Variants in SORCS1 observed in about 807,000 individuals in gnomAD.
The protein encoded by SORCS1 is sortilin related VPS10 domain containing receptor 1, also known as VPS10 domain-containing receptor SorCS1.
In SORCS1, 60 loss-of-function variants were observed where a neutral mutation model predicts 146.1. That is an observed-to-expected ratio of 0.41 (90% CI 0.33 to 0.51). SORCS1 has a LOEUF of 0.51. Ranked by LOEUF, SORCS1 falls within the 20% of genes least tolerant of loss-of-function variation. SORCS1 has a pLI of 0.21. For missense variants in SORCS1, 1,352 were observed against 1,487.6 expected, an observed-to-expected ratio of 0.91 and a Z score of 1.50; for synonymous variants, 637 against 584.0, an observed-to-expected ratio of 1.09 and a Z score of -1.31.
intron 21 of SORCS1, among the ~76,000 whole-genome samples, chr10:106,613,918 C>T (rs995839625): frequency 2.6e-5 from 4 of 152,122 alleles, no homozygotes; most frequent in Non-Finnish European, 5.9e-5. Context: ...GCAAACTCCC[C>T]TCTCATCATT....
chr10:106,661,916 G>C (rs1850759020), intron 17 of SORCS1, among the ~76,000 whole-genome samples: 1 of 152,208 alleles, frequency 6.6e-6, no homozygotes. Context: ...GAGGACAGAG[G>C]CTGAATAGAG....
At chr10:106,823,208 G>A (rs982551942) in intron 3 of SORCS1, among the ~76,000 whole-genome samples, 2 of 152,162 alleles carry the variant, frequency 1.3e-5, no homozygotes, top group African/African-American at 4.8e-5. Context: ...TCCGCCAAGG[G>A]AATGTCATGC....
intron 2 of SORCS1, among the ~76,000 whole-genome samples, chr10:106,936,821 A>G (rs1953746360): frequency 6.6e-6 from 1 of 152,226 alleles, no homozygotes; most frequent in African/African-American, 2.4e-5. Flanking sequence ...GGAAAACAAA[A>G]TAGTTGACTT....
At position 106,798,154 on chromosome 10, in the gene SORCS1, T is replaced by C. The variant is rs182895913; in HGVS notation, c.727-21462A>G. ...GATCTGATGGCTTTATAAGGCAGAGTTTCCCTTCATAAGCTCTGTTCTCTT... is the reference window on the plus strand; with the variant it reads ...GATCTGATGGCTTTATAAGGCAGAGCTTCCCTTCATAAGCTCTGTTCTCTT... On this transcript the variant is annotated intron_variant, in intron 3 of 25. Coordinates refer to ENST00000263054, the MANE Select transcript of SORCS1 (RefSeq NM_052918.5). Among the ~76,000 whole-genome samples, 579 of 151,340 alleles carry C rather than the reference T, an allele frequency of 3.8e-3. 8 individuals are homozygous for C. The highest frequency in any genetic ancestry group is 0.014 in the African/African-American group (565 of 41,228).
chr10:106,711,260 G>T (rs193295519), intron 6 of SORCS1, among the ~76,000 whole-genome samples: 2 of 152,244 alleles, frequency 1.3e-5, no homozygotes, highest in Admixed American at 6.5e-5. Context: ...TGTTTTTGAT[G>T]CTTAATGAGT....
At chr10:106,788,631 C>T (rs878865479) in intron 3 of SORCS1, among the ~76,000 whole-genome samples, 1 of 152,230 alleles carries the variant, frequency 6.6e-6, no homozygotes, top group African/African-American at 2.4e-5. Flanking sequence ...CTATGTCTCA[C>T]ATTGAGGTCA....
chr10:106,878,620 G>GTGTATGTATATATATA (rs904386657), intron 2 of SORCS1, among the ~76,000 whole-genome samples: 2 of 84,948 alleles, frequency 2.4e-5, no homozygotes, highest in African/African-American at 9.2e-5. Flanking sequence ...AAACTACCTA[G>GTGTATGTATATATATA]TATATATATA....
chr10:107,057,670 T>C (rs897878435), intron 1 of SORCS1, among the ~76,000 whole-genome samples: 6 of 152,218 alleles, frequency 3.9e-5, no homozygotes, highest in South Asian at 2.1e-4. Context: ...CAATGTCTAA[T>C]AGAACTGCAT....
chr10:106,615,852 A>C lies in SORCS1; in HGVS notation c.2920+2297T>G, dbSNP rs546836596. Reference sequence around the variant, plus strand: ...GAAATTGTAGAAAGAGGAAGAAGCAAGCATAGCAAGGCATGGGAGGTGCTT... The same window carrying C: ...GAAATTGTAGAAAGAGGAAGAAGCACGCATAGCAAGGCATGGGAGGTGCTT... On this transcript the variant is annotated intron_variant, in intron 21 of 25. Transcript: ENST00000263054. Among the ~76,000 whole-genome samples the C allele has an allele frequency of 1.3e-3, 197 of 152,290 alleles. 1 individual carries two copies. Among genetic ancestry groups the C allele is most frequent in the Non-Finnish European group, 2.4e-3 (166 of 68,022 alleles).
At chr10:107,116,418 T>C (rs928841012) in intron 1 of SORCS1, among the ~76,000 whole-genome samples, 1 of 152,068 alleles carries the variant, frequency 6.6e-6, no homozygotes, top group East Asian at 1.9e-4. Flanking sequence ...CACACATACA[T>C]ATATAATGTA....
chr10:106,686,783 A>G (rs1271250720), intron 10 of SORCS1, among the ~76,000 whole-genome samples: 6 of 152,192 alleles, frequency 3.9e-5, no homozygotes, highest in Non-Finnish European at 7.3e-5. Context: ...AGGTCAAGCT[A>G]TGGCTGCTGG....
At chr10:107,075,668 T>C (rs1018174700) in intron 1 of SORCS1, among the ~76,000 whole-genome samples, 4 of 152,144 alleles carry the variant, frequency 2.6e-5, no homozygotes, top group African/African-American at 9.6e-5. Context: ...AGAAATTGTC[T>C]AAATTTGTAC....
At chr10:106,768,072 T>C (rs1859715735) in intron 4 of SORCS1, among the ~76,000 whole-genome samples, 1 of 152,224 alleles carries the variant, frequency 6.6e-6, no homozygotes, top group African/African-American at 2.4e-5. Flanking sequence ...ACACAGTATC[T>C]AAGGTGAACG....
chr10:107,016,416 A>G (rs1280905601), intron 1 of SORCS1, among the ~76,000 whole-genome samples: 1 of 152,200 alleles, frequency 6.6e-6, no homozygotes, highest in Non-Finnish European at 1.5e-5. Flanking sequence ...GAGGCATGAG[A>G]ATCACTTGAA....
intron 1 of SORCS1, among the ~76,000 whole-genome samples, chr10:107,052,135 A>G (rs1030770752): frequency 2.0e-5 from 3 of 152,190 alleles, no homozygotes; most frequent in African/African-American, 4.8e-5. Flanking sequence ...GCTGCTTATT[A>G]CAGCTCTTCC....
intron 3 of SORCS1, among the ~76,000 whole-genome samples, chr10:106,819,331 G>A (rs1312142052): frequency 1.3e-5 from 2 of 152,160 alleles, no homozygotes; most frequent in Non-Finnish European, 2.9e-5. Flanking sequence ...CAATTATTAT[G>A]TAGCTTAGCT....
intron 3 of SORCS1, among the ~76,000 whole-genome samples, chr10:106,812,634 T>TG (rs942325811): frequency 1.3e-5 from 2 of 152,090 alleles, no homozygotes; most frequent in Middle Eastern, 3.2e-3. Flanking sequence ...ACTGAAAAAG[T>TG]GGGGGGAGAG....
intron 24 of SORCS1, among the ~76,000 whole-genome samples, chr10:106,583,283 T>A (rs1480877397): frequency 1.3e-5 from 2 of 152,196 alleles, no homozygotes; most frequent in Non-Finnish European, 2.9e-5. Context: ...GTGAGATAAT[T>A]TGGGGCAATG....
chr10:107,077,106 C>T (rs867688842), intron 1 of SORCS1, among the ~76,000 whole-genome samples: 2 of 152,062 alleles, frequency 1.3e-5, no homozygotes, highest in Admixed American at 1.3e-4. Flanking sequence ...TACTTTCAGA[C>T]TGTTTCTATT....
Sources: allele counts gnomAD v4.1 joint callset (sites outside exome capture counted in the v4.1 genomes callset), GRCh38; gene constraint gnomAD v4.1.1; transcripts MANE v1.5; gene names NCBI Gene and HGNC (gene_info 2026-07-23, HGNC 2026-07-21).